Variants in ADH1A observed in about 807,000 individuals in gnomAD.
ADH1A encodes alcohol dehydrogenase 1A.
Under a neutral mutation model 35.2 loss-of-function variants are expected in ADH1A, and 29 were observed. The observed-to-expected ratio is 0.82, with a 90% CI of 0.61 to 1.12. The LOEUF (loss-of-function observed/expected upper bound fraction) is 1.12, where lower values mean the gene tolerates loss of function less well. Among genes scored for constraint, ADH1A ranks in the 50% most tolerant of loss-of-function variants. The probability of loss-of-function intolerance (pLI) is 0.00; values close to 1 mark genes in which losing one functional copy is unlikely to be tolerated. For synonymous variants in ADH1A, 147 were observed against 164.8 expected (o/e 0.89, Z 0.83); for missense variants, 469 against 464.7 (o/e 1.01, Z -0.09).
In ADH1A at chr4:99,279,516, G is replaced by A; in HGVS notation, c.1013C>T (p.Ala338Val). 1 of 1,610,786 alleles carries A rather than the reference G, an allele frequency of 6.2e-7. No individual in the cohort carries two copies. The highest frequency in any genetic ancestry group is 8.5e-7 in the Non-Finnish European group (1 of 1,178,936). ...CVPKLVADFM[A>V]KKFSLDALIT... ...TAATGCATCCAATGAAAACTTCTTA[G>A]CCATAAAATCAGCCACAAGTTTTGG... Residue 338 changes from alanine (A) to valine (V), a missense_variant, in exon 8 of 9, where the codon GCT becomes GTT. Physicochemically the swap from Ala to Val is moderately conservative, Grantham distance 64. Coordinates refer to ENST00000209668, the MANE Select transcript of ADH1A (RefSeq NM_000667.4).
In ADH1A at chr4:99,284,618, A is replaced by C. The variant is rs1396274779; in HGVS notation, c.348T>G (p.Asp116Glu). The stretch of plus-strand genomic sequence containing the variant: ...GCAGGGTCCCCTGAGGATTGCTTAC[A>C]CTGGACAGTGCAATACAAAGACACA... ...NPESNYCLKN[D>E]VSNPQGTLQD... Residue 116 changes from aspartate to glutamate, a missense_variant and splice_region_variant, in exon 5 of 9, where the codon GAT becomes GAG. Coordinates refer to ENST00000209668, the MANE Select transcript of ADH1A (RefSeq NM_000667.4). The C allele has an allele frequency of 6.2e-7, 1 of 1,614,092 alleles. No individual in the cohort carries two copies. Among genetic ancestry groups the C allele is most frequent in the Non-Finnish European group, 8.5e-7 (1 of 1,180,038 alleles).
At chr4:99,289,353 A>G (rs1733236721) in intron 1 of ADH1A, among the ~76,000 whole-genome samples, 1 of 152,196 alleles carries the variant, frequency 6.6e-6, no homozygotes, top group African/African-American at 2.4e-5. Context: ...TTTACAGCTG[A>G]AATAATTGAG....
chr4:99,284,719 T>C lies in ADH1A; in HGVS notation c.344A>G (p.Asn115Ser), dbSNP rs1180058368. The C allele has an allele frequency of 6.2e-7, 1 of 1,613,918 alleles. No homozygotes were observed. The highest frequency in any genetic ancestry group is 2.2e-5 in the East Asian group (1 of 44,878). ...AGGGAGAGCATCAGAAACCTACTCGTTTTTCAAGCAGTAGTTGCTCTCCGG... is the reference window on the plus strand; with the variant it reads ...AGGGAGAGCATCAGAAACCTACTCGCTTTTCAAGCAGTAGTTGCTCTCCGG... Reference protein sequence around the residue: ...KNPESNYCLKNDVSNPQGTLQ... With the variant: ...KNPESNYCLKSDVSNPQGTLQ... The change falls in exon 4 of 9, where the codon AAC becomes AGC. Residue 115 changes from asparagine (N) to serine (S), a missense_variant. Physicochemically the swap from Asn to Ser is conservative, Grantham distance 46. Transcript: ENST00000209668.
chr4:99,282,671 A>T (rs1733038241), intron 5 of ADH1A, 65 bp from the exon 6 acceptor site: 1 of 1,557,874 alleles, frequency 6.4e-7, no homozygotes, highest in Non-Finnish European at 8.7e-7. Context: ...CTTAGTGTTT[A>T]TCAAAAGCTG....
chr4:99,276,932 G>A (rs576907901), intron 8 of ADH1A, among the ~76,000 whole-genome samples: 2 of 152,230 alleles, frequency 1.3e-5, no homozygotes, highest in Non-Finnish European at 2.9e-5. Context: ...GTGTGCCCAC[G>A]TTCCTGTTAT....
intron 3 of ADH1A, among the ~76,000 whole-genome samples, chr4:99,286,095 A>G (rs908913411): frequency 5.3e-5 from 8 of 151,318 alleles, no homozygotes; most frequent in African/African-American, 1.7e-4. Context: ...TATGCTGTCT[A>G]TTCCACAAGA....
chr4:99,290,099 A>ATTT (rs1733257090), intron 1 of ADH1A, among the ~76,000 whole-genome samples: 1 of 152,204 alleles, frequency 6.6e-6, no homozygotes, highest in African/African-American at 2.4e-5. Context: ...GGCAATTAAA[A>ATTT]TATCAATTGA....
rs1404211576 is a variant in ADH1A, at chr4:99,282,564, C to T, written c.610G>A (p.Val204Ile). The T allele has an allele frequency of 4.3e-6, 7 of 1,614,084 alleles. No homozygotes were observed. The highest frequency in any genetic ancestry group is 5.9e-6 in the Non-Finnish European group (7 of 1,180,042). ...CAGCCCATAATAGCAGATAGGCCGA[C>T]CCCTCCCAGGCCAAACACAGCACAG... ...STCAVFGLGG[V>I]GLSAIMGCKA... Residue 204 changes from valine to isoleucine, a missense_variant, in exon 6 of 9, where the codon GTC (valine) becomes ATC (isoleucine). Physicochemically the swap from Val to Ile is conservative, Grantham distance 29 (BLOSUM62 3). Transcript: ENST00000209668.
Position 99,281,622 on chromosome 4 carries a change from T to G in ADH1A, c.828+724A>C, listed in dbSNP as rs562955853. Reference sequence around the variant, plus strand: ...CCCTGTCTCAAATAAAAAGAAGACATTTATTGGGAGCTTACCATATGACAG... The same window carrying G: ...CCCTGTCTCAAATAAAAAGAAGACAGTTATTGGGAGCTTACCATATGACAG... On this transcript the variant is annotated intron_variant, in intron 6 of 8. Transcript: ENST00000209668. Among the ~76,000 whole-genome samples the G allele has an allele frequency of 5.9e-5, 9 of 152,118 alleles. No individual in the cohort carries two copies. In the East Asian group the frequency reaches 1.5e-3, roughly 26 times the overall value.
intron 6 of ADH1A, among the ~76,000 whole-genome samples, chr4:99,280,838 T>C (rs993382830): frequency 1.3e-5 from 2 of 152,146 alleles, no homozygotes; most frequent in Non-Finnish European, 2.9e-5. Flanking sequence ...CAAATATATA[T>C]AGGTTTTACA....
chr4:99,286,927 G>A lies in ADH1A; in HGVS notation c.182C>T (p.Pro61Leu). 1 of 1,614,148 alleles carries A rather than the reference G, an allele frequency of 6.2e-7. No individual in the cohort carries two copies. The highest frequency in any genetic ancestry group is 1.1e-5 in the South Asian group (1 of 91,082). Reference sequence around the variant, plus strand: ...CTCATGGCCTAAAATCACAGGAAGTGGGGTCACCATGGTACCACTAACCAC... The same window carrying A: ...CTCATGGCCTAAAATCACAGGAAGTAGGGTCACCATGGTACCACTAACCAC... The part of the protein sequence containing the change: ...DHVVSGTMVT[P>L]LPVILGHEAA... Residue 61 changes from proline (P) to leucine (L), a missense_variant, in exon 3 of 9, where the codon CCA (proline) becomes CTA (leucine). Coordinates refer to ENST00000209668, the MANE Select transcript of ADH1A (RefSeq NM_000667.4).
chr4:99,289,197 T>A (rs1484731838), intron 1 of ADH1A, among the ~76,000 whole-genome samples: 1 of 152,194 alleles, frequency 6.6e-6, no homozygotes, highest in Non-Finnish European at 1.5e-5. Context: ...GCACACCATA[T>A]TTTCTTTATC....
intron 5 of ADH1A, 130 bp downstream of exon 5, chr4:99,284,269 A>G (rs534484315): frequency 1.0e-6 from 1 of 999,736 alleles, no homozygotes; most frequent in South Asian, 1.5e-5. Context: ...TTCTTTCTGG[A>G]TTGTGTTTCT....
chr4:99,284,264 T>C (rs1733082674), intron 5 of ADH1A, 135 bp downstream of exon 5: 6 of 974,646 alleles, frequency 6.2e-6, no homozygotes, highest in Non-Finnish European at 9.4e-6. Context: ...CTCAATTCTT[T>C]CTGGATTGTG....
Position 99,284,571 on chromosome 4 carries a change from G to T in ADH1A, c.395C>A (p.Thr132Asn). The change falls in exon 5 of 9, where the codon ACC becomes AAC. Residue 132 changes from threonine to asparagine, a missense_variant. Physicochemically the swap from Thr to Asn is moderately conservative, Grantham distance 65. Transcript: ENST00000209668. ...GTLQDGTSRFTCRRKPIHHFL... is the reference protein window; with the variant it reads ...GTLQDGTSRFNCRRKPIHHFL... Reference sequence around the variant, plus strand: ...GTGGTGGATGGGCTTCCTCCTGCAGGTGAACCTGCTGGTGCCATCCTGCAG... The same window carrying T: ...GTGGTGGATGGGCTTCCTCCTGCAGTTGAACCTGCTGGTGCCATCCTGCAG... 6.2e-7 allele frequency: 1 copy of T among 1,614,212 alleles called. No individual in the cohort carries two copies. Among genetic ancestry groups the T allele is most frequent in the Non-Finnish European group, 8.5e-7 (1 of 1,180,040 alleles).
chr4:99,284,668 C>A (rs765265197), intron 4 of ADH1A, 48 bp downstream of exon 4: 1 of 1,613,478 alleles, frequency 6.2e-7, no homozygotes, highest in East Asian at 2.2e-5. Context: ...AGGACCATAA[C>A]TAATGTGCAA....
chr4:99,276,420 CTTTA>C lies in ADH1A; in HGVS notation c.*200_*203del. ...TCAATTCCCCAGCTGATGTTCAACA[CTTTA>C]TTTAGTTCTCATTTGGATTTTAAAC... On this transcript the variant is annotated 3_prime_UTR_variant, in exon 9 of 9. Transcript: ENST00000209668. 1.7e-6 allele frequency: 1 copy of C among 604,428 alleles called. No individual in the cohort carries two copies. Among genetic ancestry groups the C allele is most frequent in the Non-Finnish European group, 2.9e-6 (1 of 341,834 alleles). The allele number at this position is 604,428 out of a possible 1,614,324, so 37.4% of individuals were successfully genotyped here.
At position 99,279,547 on chromosome 4, in the gene ADH1A, A is replaced by G. The variant is rs770755172; in HGVS notation, c.982T>C (p.Cys328Arg). Residue 328 changes from cysteine to arginine, a missense_variant, in exon 8 of 9, where the codon TGT becomes CGT. Physicochemically the swap from Cys to Arg is radical, Grantham distance 180. Coordinates refer to ENST00000209668, the MANE Select transcript of ADH1A (RefSeq NM_000667.4). ...AILGGFKSKE[C>R]VPKLVADFMA... ...AAATCAGCCACAAGTTTTGGGACAC[A>G]TTCTTTACTTTTAAAGCCTGAAAAG... is the stretch of plus-strand genomic sequence containing the variant. 2 of 1,610,574 alleles carry G rather than the reference A, an allele frequency of 1.2e-6. No individual in the cohort carries two copies.
intron 1 of ADH1A, among the ~76,000 whole-genome samples, chr4:99,289,382 TTAAC>T (rs1382786881): frequency 2.0e-5 from 3 of 152,206 alleles, no homozygotes; most frequent in Non-Finnish European, 4.4e-5. Flanking sequence ...GACTCAGTGA[TTAAC>T]TAATTTCTCT....
Sources: gnomAD v4.1 joint callset for allele counts (sites outside exome capture counted in the v4.1 genomes callset) on GRCh38, gnomAD v4.1.1 for gene constraint, MANE v1.5 for transcripts, NCBI Gene and HGNC (gene_info 2026-07-23, HGNC 2026-07-21) for gene names.